NCOR2: variants seen among roughly 807,000 people sequenced by gnomAD.
The protein encoded by NCOR2 is nuclear receptor corepressor 2.
A neutral mutation model predicts 262.9 loss-of-function variants in NCOR2; 81 were observed. The ratio of observed to expected loss-of-function variants is 0.31; its 90% CI spans 0.26 to 0.37. NCOR2 has a LOEUF of 0.37. Among genes scored for constraint, NCOR2 ranks in the 10% least tolerant of loss-of-function variants. NCOR2 has a pLI of 1.00. For synonymous variants in NCOR2, 1,659 were observed against 1,559.3 expected (o/e 1.06, Z -1.51); for missense variants, 3,385 against 3,621.4 (o/e 0.93, Z 1.68).
At chr12:124,362,924 C>T (rs1004097665) in intron 21 of NCOR2, among the ~76,000 whole-genome samples, 2 of 149,510 alleles carry the variant, frequency 1.3e-5, no homozygotes, top group Admixed American at 6.6e-5. Context: ...GAACCCACCT[C>T]CCCAGAAAGC....
At chr12:124,451,902 C>T (rs918285043) in intron 6 of NCOR2, among the ~76,000 whole-genome samples, 24 of 146,216 alleles carry the variant, frequency 1.6e-4, no homozygotes, top group African/African-American at 4.7e-4. Context: ...CAGACAGTCT[C>T]GGCTGGTGAC....
chr12:124,470,167 G>GAA (rs56145231), intron 4 of NCOR2, among the ~76,000 whole-genome samples: 1,234 of 104,826 alleles, frequency 0.012, 20 homozygotes, highest in African/African-American at 0.038. Flanking sequence ...ATCCATCTCA[G>GAA]AAAAAAAAAA....
Position 124,443,521 on chromosome 12 carries a change from G to A in NCOR2, c.816-5525C>T, listed in dbSNP as rs2044960284. Among the ~76,000 whole-genome samples the A allele has an allele frequency of 6.6e-6, 1 of 151,984 alleles. No homozygotes were observed. Among genetic ancestry groups the A allele is most frequent in the African/African-American group, 2.4e-5 (1 of 41,374 alleles). ...TATTTTTTATTTTTTATTTTTTTGA[G>A]ATGGAGTCTCTTGCTCTGTCACCTA... is the stretch of plus-strand genomic sequence containing the variant. On this transcript the variant is annotated intron_variant, in intron 7 of 46. Transcript: ENST00000405201. The surrounding 1 kb of genome is among the most constrained non-coding windows in gnomAD (Gnocchi z 4.4).
chr12:124,339,792 C>T (rs1566364187), intron 37 of NCOR2, among the ~76,000 whole-genome samples: 2 of 142,414 alleles, frequency 1.4e-5, no homozygotes, highest in South Asian at 2.3e-4. Context: ...CATCCACCCA[C>T]GCAGCTAACC....
At chr12:124,450,587 T>C (rs2136504838) in intron 6 of NCOR2, among the ~76,000 whole-genome samples, 1 of 152,238 alleles carries the variant, frequency 6.6e-6, no homozygotes, top group African/African-American at 2.4e-5. Context: ...AGACCAGGAC[T>C]CGGTTACACC....
intron 21 of NCOR2, among the ~76,000 whole-genome samples, chr12:124,362,876 T>C (rs80333077): frequency 1.6e-5 from 2 of 125,462 alleles, no homozygotes; most frequent in African/African-American, 6.4e-5. Flanking sequence ...GTTCACCTCC[T>C]AAAAAGCCTG....
intron 28 of NCOR2, among the ~76,000 whole-genome samples, chr12:124,349,666 C>G (rs1459961136): frequency 6.6e-6 from 1 of 152,110 alleles, no homozygotes; most frequent in Non-Finnish European, 1.5e-5. Context: ...GTTTAAAGGC[C>G]CCGACTGAAA....
intron 1 of NCOR2, among the ~76,000 whole-genome samples, chr12:124,554,132 T>G (rs542487844): frequency 2.5e-4 from 38 of 152,228 alleles, no homozygotes; most frequent in Non-Finnish European, 5.1e-4. Flanking sequence ...TGAACCCTCC[T>G]GATGCTTAAA....
exon 32 of NCOR2, chr12:124,344,774 C>T: frequency 6.5e-7 from 1 of 1,550,288 alleles, no homozygotes; most frequent in Non-Finnish European, 8.7e-7. Context: ...CTGGCGGTCC[C>T]TGGCCGGCTC....
chr12:124,547,803 T>C (rs561782846), intron 1 of NCOR2, among the ~76,000 whole-genome samples: 41 of 152,200 alleles, frequency 2.7e-4, no homozygotes, highest in Non-Finnish European at 5.3e-4. Flanking sequence ...CTCAGCATCA[T>C]GGTTTCAAGG....
chr12:124,326,363 G>T (rs536482449), exon 46 of NCOR2: 21 of 1,490,366 alleles, frequency 1.4e-5, no homozygotes, highest in Non-Finnish European at 1.5e-5. Flanking sequence ...TGGCCTTCCC[G>T]CCGCCACCTG....
chr12:124,335,788 AG>A, intron 38 of NCOR2, 156 bp from the exon 41 acceptor site: 1 of 808,816 alleles, frequency 1.2e-6, no homozygotes, highest in South Asian at 1.9e-5. Context: ...TAAGGCAGAG[AG>A]GGGTGTTGGG....
At chr12:124,327,506 G>A (rs757822743) in exon 45 of NCOR2, 3 of 1,613,738 alleles carry the variant, frequency 1.9e-6, no homozygotes, top group African/African-American at 2.7e-5. Context: ...TAAAAGCATT[G>A]GCGCTGAGCG....
intron 3 of NCOR2, among the ~76,000 whole-genome samples, chr12:124,480,859 G>A (rs2047422705): frequency 7.6e-6 from 1 of 132,068 alleles, no homozygotes; most frequent in Non-Finnish European, 1.6e-5. Flanking sequence ...GGGAGCAAGG[G>A]AATGGGGGAG....
At chr12:124,387,873 G>T (rs542180291) in intron 16 of NCOR2, among the ~76,000 whole-genome samples, 182 of 152,280 alleles carry the variant, frequency 1.2e-3, no homozygotes, top group African/African-American at 4.1e-3. Context: ...GAGAGGGGGC[G>T]GGTCTCCCAT....
intron 1 of NCOR2, among the ~76,000 whole-genome samples, chr12:124,565,548 C>A (rs1452881028): frequency 6.6e-6 from 1 of 151,878 alleles, no homozygotes; most frequent in African/African-American, 2.4e-5. Context: ...CCCAGATCCC[C>A]CCACTGTCCA....
At chr12:124,344,184 G>A (rs2036718156) in intron 32 of NCOR2, among the ~76,000 whole-genome samples, 2 of 152,242 alleles carry the variant, frequency 1.3e-5, no homozygotes. Context: ...TGGGGCTGGG[G>A]AGGACGAAGG....
chr12:124,547,014 G>C (rs1005933102), intron 1 of NCOR2, among the ~76,000 whole-genome samples: 2 of 151,764 alleles, frequency 1.3e-5, no homozygotes, highest in African/African-American at 4.8e-5. Context: ...TTTTGAGATG[G>C]AGTCTCGCTC....
intron 34 of NCOR2, 27 bp downstream of exon 36, chr12:124,341,796 G>A (rs755000031): frequency 2.2e-5 from 34 of 1,579,710 alleles, no homozygotes; most frequent in Non-Finnish European, 2.7e-5. Flanking sequence ...GCCAAACCCA[G>A]CGGAGGTGGT....
Sources: allele counts gnomAD v4.1 joint callset (sites outside exome capture counted in the v4.1 genomes callset), GRCh38; gene constraint gnomAD v4.1.1; non-coding constraint Gnocchi (gnomAD v3.1); transcripts MANE v1.5; gene names NCBI Gene and HGNC (gene_info 2026-07-23, HGNC 2026-07-21).